Variants in GMDS observed in about 807,000 individuals in gnomAD.
GMDS encodes the protein GDP-mannose 4,6 dehydratase.
In GMDS, 20 loss-of-function variants were observed where a neutral mutation model predicts 49.9. The ratio of observed to expected loss-of-function variants is 0.40; its 90% CI spans 0.28 to 0.58. The LOEUF (loss-of-function observed/expected upper bound fraction) is 0.58. Ranked by LOEUF, GMDS falls within the 20% of genes least tolerant of loss-of-function variation. GMDS has a pLI of 0.42. For missense variants in GMDS, 362 were observed against 481.4 expected (o/e 0.75, Z 2.32); for synonymous variants, 177 against 178.6 (o/e 0.99, Z 0.07).
At chr6:2,090,776 T>C (rs932770934) in intron 4 of GMDS, among the ~76,000 whole-genome samples, 7 of 152,212 alleles carry the variant, frequency 4.6e-5, no homozygotes, top group Non-Finnish European at 8.8e-5. Flanking sequence ...ATATATGCTT[T>C]AGAGTATTGA....
intron 4 of GMDS, among the ~76,000 whole-genome samples, chr6:1,984,726 T>TA (rs1043567171): frequency 7.2e-5 from 11 of 152,230 alleles, no homozygotes; most frequent in African/African-American, 2.4e-4. Context: ...CACACCCTTC[T>TA]AAAGTATAAT....
At chr6:1,706,690 C>T (rs1276379854) in intron 9 of GMDS, among the ~76,000 whole-genome samples, 2 of 152,218 alleles carry the variant, frequency 1.3e-5, no homozygotes, top group East Asian at 3.8e-4. Flanking sequence ...TGATTCCCAG[C>T]GTTTGCTCAC....
chr6:2,195,692 G>A (rs186944793), intron 1 of GMDS, among the ~76,000 whole-genome samples: 78 of 151,902 alleles, frequency 5.1e-4, no homozygotes, highest in Non-Finnish European at 9.7e-4. Context: ...TGTAAACCAT[G>A]GCAACAAGGT....
chr6:2,010,340 A>G (rs1397604796), intron 4 of GMDS, among the ~76,000 whole-genome samples: 2 of 149,470 alleles, frequency 1.3e-5, no homozygotes, highest in East Asian at 2.0e-4. Context: ...AAAAAAAAAA[A>G]GAAAGAAAGA....
chr6:1,760,936 G>A (rs1238977280), intron 7 of GMDS, among the ~76,000 whole-genome samples: 2 of 152,314 alleles, frequency 1.3e-5, no homozygotes, highest in East Asian at 3.9e-4. Flanking sequence ...CCCAGATGCT[G>A]ACTCTGCAAT....
chr6:2,087,941 A>C (rs1773105590), intron 4 of GMDS, among the ~76,000 whole-genome samples: 1 of 152,168 alleles, frequency 6.6e-6, no homozygotes, highest in African/African-American at 2.4e-5. Context: ...TGTTTATGCC[A>C]AGTAGGATCT....
intron 4 of GMDS, among the ~76,000 whole-genome samples, chr6:1,974,450 G>A (rs1447169314): frequency 2.6e-5 from 4 of 152,152 alleles, no homozygotes; most frequent in Admixed American, 6.5e-5. Context: ...AGAGAAGGCT[G>A]CTAGAGAAGT....
intron 8 of GMDS, among the ~76,000 whole-genome samples, chr6:1,734,013 C>T (rs893496364): frequency 1.3e-5 from 2 of 152,114 alleles, no homozygotes; most frequent in Admixed American, 1.3e-4. Context: ...GGGCGGGTGC[C>T]GTTTTTATGC....
chr6:1,789,825 A>T lies in GMDS; in HGVS notation c.772-47239T>A, dbSNP rs559982170. 1.8e-4 allele frequency among the ~76,000 whole-genome samples: 28 copies of T among 152,244 alleles called. No homozygotes were observed. The South Asian group carries it at 5.2e-3, about 28-fold the overall frequency. On this transcript the variant is annotated intron_variant, in intron 7 of 10. Coordinates refer to ENST00000380815, the MANE Select transcript of GMDS (RefSeq NM_001500.4). ...AGTGATGGGATTGTGGGTGTGAGCCACCACACCCAGCCTAAAATTACTTTC... is the reference window on the plus strand; with the variant it reads ...AGTGATGGGATTGTGGGTGTGAGCCTCCACACCCAGCCTAAAATTACTTTC...
intron 9 of GMDS, among the ~76,000 whole-genome samples, chr6:1,682,053 G>A (rs1046333861): frequency 2.0e-5 from 3 of 151,780 alleles, no homozygotes; most frequent in Admixed American, 6.6e-5. Flanking sequence ...CTGGCTCCAC[G>A]GTATGGCCCC....
intron 1 of GMDS, among the ~76,000 whole-genome samples, chr6:2,181,992 T>C (rs1307359658): frequency 6.6e-6 from 1 of 152,226 alleles, no homozygotes; most frequent in African/African-American, 2.4e-5. Flanking sequence ...ACAGTTAGCT[T>C]AGCTGTGAAT....
intron 1 of GMDS, among the ~76,000 whole-genome samples, chr6:2,182,166 G>A (rs975218087): frequency 1.3e-5 from 2 of 152,236 alleles, no homozygotes; most frequent in African/African-American, 4.8e-5. Flanking sequence ...CTAATCCAGA[G>A]CAAGGCTCTA....
intron 1 of GMDS, among the ~76,000 whole-genome samples, chr6:2,174,124 T>C (rs1047249174): frequency 6.6e-5 from 10 of 152,214 alleles, no homozygotes; most frequent in Non-Finnish European, 1.2e-4. Flanking sequence ...ACTCATTCAA[T>C]AAATATGTAT....
intron 9 of GMDS, among the ~76,000 whole-genome samples, chr6:1,702,001 A>AC (rs1765558873): frequency 6.6e-6 from 1 of 152,230 alleles, no homozygotes. Context: ...CATTTTTGCG[A>AC]TGGGGGTGTG....
At chr6:1,853,517 CAAAAAAAAAAAAAA>C (rs34773610) in intron 7 of GMDS, among the ~76,000 whole-genome samples, 1 of 70,390 alleles carries the variant, frequency 1.4e-5, no homozygotes, top group East Asian at 5.0e-4. Flanking sequence ...GACTCCGTCT[CAAAAAAAAAAAAAA>C]AAAAAAAAAG....
chr6:2,072,099 G>A (rs1341539705), intron 4 of GMDS, among the ~76,000 whole-genome samples: 2 of 152,180 alleles, frequency 1.3e-5, no homozygotes, highest in East Asian at 3.8e-4. Context: ...TCTGTGTGTT[G>A]CTTGTCTGTG....
Position 1,664,658 on chromosome 6 carries a change from T to C in GMDS, c.988-40118A>G, listed in dbSNP as rs1479775847. Among the ~76,000 whole-genome samples, 4 of 152,180 alleles carry C rather than the reference T, an allele frequency of 2.6e-5. No individual in the cohort carries two copies. In the East Asian group the frequency reaches 7.7e-4, roughly 29 times the overall value. On this transcript the variant is annotated intron_variant, in intron 9 of 10. Transcript: ENST00000380815. The stretch of plus-strand genomic sequence containing the variant: ...TGTGTCACTCTGTCACATTGACATG[T>C]TTGAGACTCATGTAAACTATTCCCT...
chr6:2,023,256 G>A (rs957226645), intron 4 of GMDS, among the ~76,000 whole-genome samples: 1 of 152,200 alleles, frequency 6.6e-6, no homozygotes, highest in Non-Finnish European at 1.5e-5. Context: ...TTTGACTTCA[G>A]AATAAAGCTT....
intron 1 of GMDS, among the ~76,000 whole-genome samples, chr6:2,228,638 G>GACTCCAA (rs1780929915): frequency 2.6e-5 from 4 of 152,170 alleles, no homozygotes; most frequent in Non-Finnish European, 4.4e-5. Flanking sequence ...TTTAAACTTG[G>GACTCCAA]AGTCCACTTC....
Sources: gnomAD v4.1 joint callset for allele counts (sites outside exome capture counted in the v4.1 genomes callset) on GRCh38, gnomAD v4.1.1 for gene constraint, MANE v1.5 for transcripts, NCBI Gene and HGNC (gene_info 2026-07-23, HGNC 2026-07-21) for gene names.